Variants in ZC3H7A observed in about 807,000 individuals in gnomAD.
The protein encoded by ZC3H7A is zinc finger CCCH-type containing 7A.
In ZC3H7A, 44 loss-of-function variants were observed where a neutral mutation model predicts 125.5. That is an observed-to-expected ratio of 0.35 (90% CI 0.28 to 0.45). The LOEUF (loss-of-function observed/expected upper bound fraction) is 0.45. ZC3H7A is among the 20% of genes least tolerant of loss of function. The pLI is 1.00. For missense variants in ZC3H7A, 977 were observed against 1,170.7 expected (o/e 0.83, Z 2.41); for synonymous variants, 399 against 391.2 (o/e 1.02, Z -0.23).
At chr16:11,769,394 G>A (rs1307527843) in intron 10 of ZC3H7A, among the ~76,000 whole-genome samples, 1 of 152,092 alleles carries the variant, frequency 6.6e-6, no homozygotes. Context: ...ATTCAAAAAT[G>A]GGAAAAGAGC....
intron 8 of ZC3H7A, 24 bp downstream of exon 8, chr16:11,774,956 T>A: frequency 6.2e-7 from 1 of 1,613,640 alleles, no homozygotes; most frequent in East Asian, 2.2e-5. Flanking sequence ...ATTCAAATTG[T>A]TAAGATGATA....
chr16:11,755,799 G>C lies in ZC3H7A; in HGVS notation c.2562+438C>G, dbSNP rs943564779. On this transcript the variant is annotated intron_variant, in intron 21 of 22. Coordinates refer to ENST00000355758, the MANE Select transcript of ZC3H7A (RefSeq NM_014153.4). ...AAGCTAGTGGCAGGAAACCACTAGA[G>C]AGAGAAGATGAAGACACAGAACAGA... is the stretch of plus-strand genomic sequence containing the variant. 4.6e-5 allele frequency among the ~76,000 whole-genome samples: 7 copies of C among 152,336 alleles called. No individual in the cohort carries two copies. In the East Asian group the frequency reaches 1.3e-3, roughly 29 times the overall value.
chr16:11,751,240 T>C lies in ZC3H7A; in HGVS notation c.*77A>G. The C allele has an allele frequency of 7.0e-7, 1 of 1,421,362 alleles. No individual in the cohort carries two copies. The highest frequency in any genetic ancestry group is 1.4e-5 in the South Asian group (1 of 70,526). 88.0% of individuals were successfully genotyped at this position (1,421,362 alleles called of 1,614,324 possible). A position where few individuals can be genotyped will look rare whatever the true frequency, so the allele number is the denominator to read the frequency against. ...ATACAAGCAGGAAATCTGCAGCTCC[T>C]CTGCTATGTGCCTCAGAACACTTTC... On this transcript the variant is annotated 3_prime_UTR_variant, in exon 23 of 23. Coordinates refer to ENST00000355758, the MANE Select transcript of ZC3H7A (RefSeq NM_014153.4).
At chr16:11,770,089 C>T (rs2052952992) in intron 10 of ZC3H7A, among the ~76,000 whole-genome samples, 1 of 151,952 alleles carries the variant, frequency 6.6e-6, no homozygotes, top group African/African-American at 2.4e-5. Flanking sequence ...ACCCAGCCTA[C>T]TTTCTTTTTC....
chr16:11,773,236 A>T (rs764158788), intron 9 of ZC3H7A, among the ~76,000 whole-genome samples: 1 of 151,864 alleles, frequency 6.6e-6, no homozygotes, highest in Admixed American at 6.6e-5. Context: ...GCTAGAGTGC[A>T]TGGCACAATC....
At chr16:11,768,637 C>G (rs1458519846) in intron 11 of ZC3H7A, 136 bp from the exon 12 acceptor site, 1 of 753,926 alleles carries the variant, frequency 1.3e-6, no homozygotes, top group African/African-American at 1.8e-5. Context: ...ATCCTTAATG[C>G]TCTTCTATCT....
chr16:11,765,016 A>C lies in ZC3H7A; in HGVS notation c.1820+37T>G. The C allele has an allele frequency of 7.2e-7, 1 of 1,379,376 alleles. No individual in the cohort carries two copies. The highest frequency in any genetic ancestry group is 1.0e-6 in the Non-Finnish European group (1 of 998,896). 85.4% of individuals were successfully genotyped at this position (1,379,376 alleles called of 1,614,324 possible). On this transcript the variant is annotated intron_variant, in intron 15 of 22. Coordinates refer to ENST00000355758, the MANE Select transcript of ZC3H7A (RefSeq NM_014153.4). The surrounding 1 kb of genome is among the most constrained non-coding windows in gnomAD (Gnocchi z 4.8). ...TTATTCAGATCTAGAAAAAGAATCTATTTTGTCATTACAGAAATTAGAAAC... is the reference window on the plus strand; with the variant it reads ...TTATTCAGATCTAGAAAAAGAATCTCTTTTGTCATTACAGAAATTAGAAAC...
intron 1 of ZC3H7A, among the ~76,000 whole-genome samples, chr16:11,784,903 A>T (rs558793862): frequency 6.7e-6 from 1 of 150,040 alleles, no homozygotes; most frequent in East Asian, 2.0e-4. Flanking sequence ...TCATGCCTGT[A>T]ATCCCAGCAC....
At chr16:11,755,554 A>G (rs2052630268) in intron 21 of ZC3H7A, among the ~76,000 whole-genome samples, 1 of 152,178 alleles carries the variant, frequency 6.6e-6, no homozygotes, top group Non-Finnish European at 1.5e-5. Flanking sequence ...AGCGGGGTAG[A>G]CAGCCCACAT....
chr16:11,763,003 C>T (rs1019430226), intron 16 of ZC3H7A: 1 of 383,660 alleles, frequency 2.6e-6, no homozygotes, highest in Non-Finnish European at 4.7e-6. Flanking sequence ...GACATGAGAA[C>T]ACACTCAAAA....
At chr16:11,780,682 G>A (rs2053160523) in intron 3 of ZC3H7A, among the ~76,000 whole-genome samples, 1 of 152,064 alleles carries the variant, frequency 6.6e-6, no homozygotes, top group Non-Finnish European at 1.5e-5. Context: ...AAATCTGTTT[G>A]TAGAGAGCTA....
chr16:11,779,779 G>T (rs1220801032), intron 3 of ZC3H7A, among the ~76,000 whole-genome samples: 1 of 152,066 alleles, frequency 6.6e-6, no homozygotes, highest in Non-Finnish European at 1.5e-5. Context: ...TACACACTAG[G>T]TAGTGTGTGT....
chr16:11,754,769 G>A (rs1052843373), intron 21 of ZC3H7A, among the ~76,000 whole-genome samples: 10 of 150,232 alleles, frequency 6.7e-5, no homozygotes, highest in African/African-American at 2.4e-4. Context: ...GCCGGCACCT[G>A]TAGTCCCAGC....
intron 1 of ZC3H7A, among the ~76,000 whole-genome samples, chr16:11,790,402 C>G (rs770608853): frequency 6.6e-6 from 1 of 152,190 alleles, no homozygotes; most frequent in African/African-American, 2.4e-5. Context: ...TTCTTCCAGG[C>G]TGAGCTTTAC....
At chr16:11,782,574 A>C in intron 1 of ZC3H7A, 186 bp from the exon 2 acceptor site, 1 of 470,474 alleles carries the variant, frequency 2.1e-6, no homozygotes, top group East Asian at 3.5e-5. Flanking sequence ...GTGGTCCGGC[A>C]CACCATAAGC....
At chr16:11,788,957 G>A (rs1398899056) in intron 1 of ZC3H7A, among the ~76,000 whole-genome samples, 1 of 152,124 alleles carries the variant, frequency 6.6e-6, no homozygotes, top group Non-Finnish European at 1.5e-5. Context: ...GATTGTGGGA[G>A]TGGTTACATG....
At chr16:11,772,422 T>C (rs1480380217) in intron 9 of ZC3H7A, among the ~76,000 whole-genome samples, 1 of 151,720 alleles carries the variant, frequency 6.6e-6, no homozygotes, top group Non-Finnish European at 1.5e-5. Flanking sequence ...CGTTATGGTA[T>C]CATATGCTAT....
Position 11,779,992 on chromosome 16 carries a change from A to G in ZC3H7A, c.109-629T>C, listed in dbSNP as rs527864775. On this transcript the variant is annotated intron_variant, in intron 3 of 22. Transcript: ENST00000355758. ...TTTCTGTAAATTGCTCAGGTCATTTACTGATTTGGGGGGAGGGGGATGTTA... is the reference window on the plus strand; with the variant it reads ...TTTCTGTAAATTGCTCAGGTCATTTGCTGATTTGGGGGGAGGGGGATGTTA... 2.0e-5 allele frequency among the ~76,000 whole-genome samples: 3 copies of G among 152,012 alleles called. No homozygotes were observed. In the East Asian group the frequency reaches 5.8e-4, roughly 29 times the overall value.
chr16:11,783,373 C>T (rs192596695), intron 1 of ZC3H7A, among the ~76,000 whole-genome samples: 1 of 152,216 alleles, frequency 6.6e-6, no homozygotes, highest in East Asian at 1.9e-4. Flanking sequence ...CGAGCAGTTC[C>T]CCAAGTTCAA....
Sources: allele counts gnomAD v4.1 joint callset (sites outside exome capture counted in the v4.1 genomes callset), GRCh38; gene constraint gnomAD v4.1.1; non-coding constraint Gnocchi (gnomAD v3.1); transcripts MANE v1.5; gene names NCBI Gene and HGNC (gene_info 2026-07-23, HGNC 2026-07-21).